LEPROTL1: variants seen among roughly 807,000 people sequenced by gnomAD.
The protein encoded by LEPROTL1 is leptin receptor overlapping transcript-like 1.
A neutral mutation model predicts 15.4 loss-of-function variants in LEPROTL1; 6 were observed. The ratio of observed to expected loss-of-function variants is 0.39; its 90% CI spans 0.21 to 0.77. The LOEUF (loss-of-function observed/expected upper bound fraction) is 0.77. Among genes scored for constraint, LEPROTL1 ranks in the 30% least tolerant of loss-of-function variants. The probability of loss-of-function intolerance (pLI) is 0.41; values close to 1 mark genes in which losing one functional copy is unlikely to be tolerated. For missense variants in LEPROTL1, 128 were observed against 158.1 expected, an observed-to-expected ratio of 0.81 and a Z score of 1.02; for synonymous variants, 56 against 52.6, an observed-to-expected ratio of 1.06 and a Z score of -0.28.
chr8:30,110,579 C>A (rs112977449), downstream of LEPROTL1, among the ~76,000 whole-genome samples: 1 of 151,682 alleles, frequency 6.6e-6, no homozygotes, highest in Non-Finnish European at 1.5e-5. Context: ...TCTAAAAATA[C>A]AAAAATTAAG....
chr8:30,133,004 G>T, intron 4 of LEPROTL1: 2 of 1,220,622 alleles, frequency 1.6e-6, no homozygotes, highest in South Asian at 3.3e-5. Context: ...AAATAGATAG[G>T]TCTGTACAGC....
intron 4 of LEPROTL1, chr8:30,132,833 C>T (rs1325424036): frequency 6.4e-7 from 1 of 1,551,564 alleles, no homozygotes; most frequent in African/African-American, 1.4e-5. Context: ...TTCACTTTCC[C>T]CTCACAAATG....
At chr8:30,132,837 AC>A in intron 4 of LEPROTL1, 1 of 1,551,644 alleles carries the variant, frequency 6.4e-7, no homozygotes, top group Middle Eastern at 1.7e-4. Flanking sequence ...CTTTCCCCTC[AC>A]AAATGTCCAG....
At chr8:30,135,513 G>A (rs1431063641) in intron 4 of LEPROTL1, among the ~76,000 whole-genome samples, 2 of 152,170 alleles carry the variant, frequency 1.3e-5, no homozygotes, top group African/African-American at 4.8e-5. Context: ...CACAATGTGT[G>A]CTGAGCCATT....
At chr8:30,117,118 T>C (rs557623434) in intron 3 of LEPROTL1, among the ~76,000 whole-genome samples, 38 of 152,284 alleles carry the variant, frequency 2.5e-4, no homozygotes, top group Non-Finnish European at 4.7e-4. Context: ...TACTAACTCC[T>C]TGTATTGTAA....
At chr8:30,116,693 T>C (rs1188728543) in intron 3 of LEPROTL1, among the ~76,000 whole-genome samples, 1 of 152,248 alleles carries the variant, frequency 6.6e-6, no homozygotes, top group African/African-American at 2.4e-5. Context: ...CTTCTGTTCC[T>C]GAGTTGTATC....
At chr8:30,130,301 G>A (rs568743708) in intron 3 of LEPROTL1, among the ~76,000 whole-genome samples, 4 of 152,094 alleles carry the variant, frequency 2.6e-5, no homozygotes, top group African/African-American at 7.2e-5. Context: ...GAGTACTGGA[G>A]TAAAATAGAA....
chr8:30,106,443 A>C lies in LEPROTL1; in HGVS notation c.*581A>C, dbSNP rs947629030. The stretch of plus-strand genomic sequence containing the variant: ...TCAGAGGGGCCAAGTGTTAATGCCC[A>C]TGCCCTCCGTTAAGGGTTGTTGGTT... On this transcript the variant is annotated 3_prime_UTR_variant, in exon 4 of 4. Transcript: ENST00000321250. 2.0e-6 allele frequency: 2 copies of C among 985,730 alleles called. No homozygotes were observed. Among genetic ancestry groups the C allele is most frequent in the African/African-American group, 3.5e-5 (2 of 57,240 alleles). 61.1% of individuals were successfully genotyped at this position (985,730 alleles called of 1,614,324 possible). A position where few individuals can be genotyped will look rare whatever the true frequency, so the allele number is the denominator to read the frequency against.
Position 30,121,497 on chromosome 8 carries a change from G to A in LEPROTL1, c.280-10878G>A, listed in dbSNP as rs138530499. On this transcript the variant is annotated intron_variant, in intron 3 of 4. Coordinates refer to the LEPROTL1 transcript ENST00000442880. ...TCCAACTCCTGAGCTCAAGTGATCC[G>A]CCCACCTCAGCCTCCCAAGGTGCTG... Among the ~76,000 whole-genome samples, 104 of 152,000 alleles carry A rather than the reference G, an allele frequency of 6.8e-4. 2 individuals are homozygous for A. The highest frequency in any genetic ancestry group is 6.8e-3 in the Middle Eastern group (2 of 294).
intron 4 of LEPROTL1, chr8:30,137,150 A>C: frequency 1.3e-6 from 1 of 776,526 alleles, no homozygotes; most frequent in Non-Finnish European, 2.1e-6. Context: ...TGATCACCAG[A>C]GAGAGCCAGG....
rs138264637 is a variant in LEPROTL1 at position 30,105,562 on chromosome 8, AT to A, written c.280-177del. Reference sequence around the variant, plus strand: ...ATATTTATATATATTTATACTATATATTTTTTTACTATATATATTTATACTA... The same window carrying A: ...ATATTTATATATATTTATACTATATATTTTTTACTATATATATTTATACTA... On this transcript the variant is annotated intron_variant, in intron 3 of 3. Transcript: ENST00000321250. Among the ~76,000 whole-genome samples the A allele has an allele frequency of 1.0e-2, 1,473 of 147,918 alleles. 24 individuals are homozygous for A. Among genetic ancestry groups the A allele is most frequent in the African/African-American group, 0.034 (1,398 of 40,754 alleles).
At chr8:30,123,657 T>A (rs1802864326) in intron 3 of LEPROTL1, among the ~76,000 whole-genome samples, 1 of 152,210 alleles carries the variant, frequency 6.6e-6, no homozygotes, top group African/African-American at 2.4e-5. Context: ...AAGTATGAAG[T>A]ATGTTTGCAT....
downstream of LEPROTL1, among the ~76,000 whole-genome samples, chr8:30,108,978 T>C (rs1459308335): frequency 6.6e-6 from 1 of 152,120 alleles, no homozygotes; most frequent in African/African-American, 2.4e-5. Context: ...TTGGCCACGC[T>C]GGTCTCAAAC....
intron 1 of LEPROTL1, chr8:30,096,030 C>T (rs1433961101): frequency 3.3e-6 from 2 of 601,056 alleles, no homozygotes; most frequent in Non-Finnish European, 3.0e-6. Context: ...ACGTCCACCC[C>T]GGCCGCCCGC....
intron 2 of LEPROTL1, 140 bp downstream of exon 2, chr8:30,102,113 C>G (rs1195362434): frequency 3.6e-6 from 2 of 557,200 alleles, no homozygotes; most frequent in Non-Finnish European, 6.3e-6. Context: ...GTAAAAATCA[C>G]CACTTAAAGT....
chr8:30,104,256 A>C, intron 2 of LEPROTL1, 44 bp from the exon 3 acceptor site: 1 of 1,236,944 alleles, frequency 8.1e-7, no homozygotes, highest in East Asian at 2.6e-5. Context: ...TGTGTAGGAA[A>C]ATGACATAGC....
At position 30,107,998 on chromosome 8, in the gene LEPROTL1, T is replaced by TA. The variant is rs547373607; in HGVS notation, c.*2137dup. On this transcript the variant is annotated 3_prime_UTR_variant, in exon 4 of 4. Coordinates refer to ENST00000321250, the MANE Select transcript of LEPROTL1 (RefSeq NM_015344.3). Reference sequence around the variant, plus strand: ...GAATTTTCCATAGAATATGCACTGATACAATATTACCATTCTTCTATGGAA... The same window carrying TA: ...GAATTTTCCATAGAATATGCACTGATAACAATATTACCATTCTTCTATGGAA... The TA allele has an allele frequency of 2.0e-4, 191 of 961,472 alleles. 1 individual carries two copies. The African/African-American group carries it at 3.3e-3, about 16-fold the overall frequency. The allele number at this position is 961,472 out of a possible 1,614,324, so 59.6% of individuals were successfully genotyped here. A position where few individuals can be genotyped will look rare whatever the true frequency, so the allele number is the denominator to read the frequency against.
At chr8:30,136,451 T>A (rs189684223) in intron 4 of LEPROTL1, among the ~76,000 whole-genome samples, 1 of 152,300 alleles carries the variant, frequency 6.6e-6, no homozygotes, top group East Asian at 1.9e-4. Context: ...GGAAATGAAT[T>A]TCTGTTGTTT....
intron 3 of LEPROTL1, among the ~76,000 whole-genome samples, chr8:30,121,156 C>G (rs1344274542): frequency 3.3e-5 from 5 of 152,118 alleles, no homozygotes; most frequent in Non-Finnish European, 7.3e-5. Flanking sequence ...TACATTTACT[C>G]GATTCTCTTA....
Sources: allele counts gnomAD v4.1 joint callset (sites outside exome capture counted in the v4.1 genomes callset), GRCh38; gene constraint gnomAD v4.1.1; transcripts MANE v1.5; gene names NCBI Gene and HGNC (gene_info 2026-07-23, HGNC 2026-07-21).